Variants in SLC14A2 observed in about 807,000 individuals in gnomAD.
SLC14A2 encodes the protein solute carrier family 14 member 2, also known as urea transporter 2.
Under a neutral mutation model 104.6 loss-of-function variants are expected in SLC14A2, and 91 were observed. The ratio of observed to expected loss-of-function variants is 0.87; its 90% CI spans 0.73 to 1.04. The LOEUF (loss-of-function observed/expected upper bound fraction) is 1.04, where lower values mean the gene tolerates loss of function less well. SLC14A2 is among the 50% of genes least tolerant of loss of function. SLC14A2 has a pLI of 0.00. For missense variants in SLC14A2, 1,189 were observed against 1,156.0 expected (o/e 1.03, Z -0.41); for synonymous variants, 476 against 466.4 (o/e 1.02, Z -0.27).
At chr18:45,459,011 A>G (rs1167080705) in intron 1 of SLC14A2, among the ~76,000 whole-genome samples, 2 of 152,200 alleles carry the variant, frequency 1.3e-5, no homozygotes, top group African/African-American at 4.8e-5. Flanking sequence ...CCTGAGATGG[A>G]GGGACAATGT....
chr18:45,295,263 G>A (rs2084907992), intron 1 of SLC14A2, among the ~76,000 whole-genome samples: 1 of 152,022 alleles, frequency 6.6e-6, no homozygotes, highest in Non-Finnish European at 1.5e-5. Context: ...CGTTCACACA[G>A]CATCCCCTTA....
chr18:45,237,401 C>T (rs550006881), intron 1 of SLC14A2, among the ~76,000 whole-genome samples: 1 of 152,070 alleles, frequency 6.6e-6, no homozygotes, highest in Non-Finnish European at 1.5e-5. Context: ...AAGGATTTTG[C>T]CCAAGGTCAC....
At chr18:45,666,833 C>A in intron 12 of SLC14A2, 102 bp from the exon 13 acceptor site, 4 of 974,166 alleles carry the variant, frequency 4.1e-6, no homozygotes, top group Admixed American at 4.4e-5. Context: ...AATGAAATAC[C>A]AAATGACAAT....
intron 12 of SLC14A2, among the ~76,000 whole-genome samples, chr18:45,666,479 C>T (rs2046026036): frequency 6.6e-6 from 1 of 152,044 alleles, no homozygotes; most frequent in South Asian, 2.1e-4. Context: ...TAAGCTGGTG[C>T]CTGTTTTCAA....
At chr18:45,626,408 A>G (rs900718110) in intron 3 of SLC14A2, among the ~76,000 whole-genome samples, 3 of 152,106 alleles carry the variant, frequency 2.0e-5, no homozygotes, top group African/African-American at 7.2e-5. Flanking sequence ...CAAACCAGCA[A>G]ATGAGGCAGA....
At chr18:45,346,673 A>C (rs906839843) in intron 1 of SLC14A2, among the ~76,000 whole-genome samples, 1 of 152,136 alleles carries the variant, frequency 6.6e-6, no homozygotes, top group African/African-American at 2.4e-5. Flanking sequence ...CAGGCCTGTA[A>C]TCCTAGCACT....
chr18:45,535,753 C>A (rs555715682), intron 2 of SLC14A2, among the ~76,000 whole-genome samples: 1 of 152,270 alleles, frequency 6.6e-6, no homozygotes, highest in South Asian at 2.1e-4. Context: ...TCTGCCTGAG[C>A]CTCAGTTTCC....
chr18:45,576,057 A>G (rs558209967), intron 2 of SLC14A2, among the ~76,000 whole-genome samples: 1 of 152,302 alleles, frequency 6.6e-6, no homozygotes, highest in East Asian at 1.9e-4. Flanking sequence ...CAAAGGGAAT[A>G]AAAATGAAAT....
chr18:45,383,782 T>G (rs1445307533), intron 1 of SLC14A2, among the ~76,000 whole-genome samples: 1 of 152,058 alleles, frequency 6.6e-6, no homozygotes, highest in Non-Finnish European at 1.5e-5. Context: ...AGGAGAGCAA[T>G]CTGAAAAATA....
At chr18:45,353,583 A>G (rs1444799589) in intron 1 of SLC14A2, among the ~76,000 whole-genome samples, 1 of 152,204 alleles carries the variant, frequency 6.6e-6, no homozygotes, top group Non-Finnish European at 1.5e-5. Context: ...TTAGTTATCA[A>G]TGCACAAATT....
At chr18:45,535,777 A>G (rs1254337149) in intron 2 of SLC14A2, among the ~76,000 whole-genome samples, 9 of 152,214 alleles carry the variant, frequency 5.9e-5, no homozygotes. Flanking sequence ...TTTGTAAAAT[A>G]GGAAAAGGAA....
intron 1 of SLC14A2, among the ~76,000 whole-genome samples, chr18:45,260,539 G>T (rs560024384): frequency 1.3e-5 from 2 of 152,140 alleles, no homozygotes; most frequent in African/African-American, 4.8e-5. Context: ...ATTCACAATA[G>T]AAAAGACATG....
chr18:45,440,049 T>C (rs1432607384), intron 1 of SLC14A2, among the ~76,000 whole-genome samples: 1 of 152,168 alleles, frequency 6.6e-6, no homozygotes, highest in Non-Finnish European at 1.5e-5. Context: ...AGTCATAATA[T>C]TGTGGTTCAC....
chr18:45,663,261 G>A (rs1038314955), intron 10 of SLC14A2, among the ~76,000 whole-genome samples: 142 of 152,208 alleles, frequency 9.3e-4, no homozygotes, highest in African/African-American at 2.7e-3. Flanking sequence ...GGGACCACAC[G>A]TTGAGTAGCA....
chr18:45,462,049 T>C (rs1199229366), intron 1 of SLC14A2, among the ~76,000 whole-genome samples: 1 of 152,166 alleles, frequency 6.6e-6, no homozygotes, highest in Non-Finnish European at 1.5e-5. Context: ...CCTGGCCCTC[T>C]CCAAGCACCA....
chr18:45,234,434 A>T (rs2084205265), intron 1 of SLC14A2, among the ~76,000 whole-genome samples: 1 of 152,214 alleles, frequency 6.6e-6, no homozygotes, highest in Admixed American at 6.5e-5. Context: ...ACATTTTAAA[A>T]CTACTGATTT....
At chr18:45,208,719 T>A (rs543540297), upstream of SLC14A2, among the ~76,000 whole-genome samples, 1 of 151,926 alleles carries the variant, frequency 6.6e-6, no homozygotes, top group African/African-American at 2.4e-5. Context: ...AAGAGTGGGG[T>A]GTCATGATGG....
chr18:45,470,294 C>T (rs925879595), intron 1 of SLC14A2, among the ~76,000 whole-genome samples: 9 of 152,090 alleles, frequency 5.9e-5, no homozygotes, highest in African/African-American at 1.4e-4. Context: ...TTTTGATTTG[C>T]TTGCTTGCCT....
chr18:45,315,879 G>A (rs1459920326), intron 1 of SLC14A2, among the ~76,000 whole-genome samples: 1 of 152,200 alleles, frequency 6.6e-6, no homozygotes, highest in African/African-American at 2.4e-5. Flanking sequence ...GCCTTCAGAA[G>A]CCATATTCCA....
Sources: allele counts gnomAD v4.1 joint callset (sites outside exome capture counted in the v4.1 genomes callset), GRCh38; gene constraint gnomAD v4.1.1; transcripts MANE v1.5; gene names NCBI Gene and HGNC (gene_info 2026-07-23, HGNC 2026-07-21).